The following TYR variants were observed in gnomAD, a reference collection of about 807,000 sequenced individuals.
The protein encoded by TYR is tyrosinase.
TYR carries 58 observed loss-of-function variants against 51.5 expected under a neutral mutation model. That is an observed-to-expected ratio of 1.13 (90% confidence interval 0.91 to 1.40). The LOEUF (loss-of-function observed/expected upper bound fraction) is 1.40. Ranked by LOEUF, TYR falls within the 40% of genes most tolerant of loss-of-function variation. The probability of loss-of-function intolerance (pLI) is 0.00; values close to 1 mark genes in which losing one functional copy is unlikely to be tolerated. For synonymous variants in TYR, 263 were observed against 235.2 expected (o/e 1.12, Z -1.08); for missense variants, 732 against 647.4 (o/e 1.13, Z -1.42).
At position 89,253,255 on chromosome 11, in the gene TYR, A is replaced by G. The variant is rs189590924; in HGVS notation, c.1184+25285A>G. On this transcript the variant is annotated intron_variant, in intron 3 of 4. Transcript: ENST00000263321. Reference sequence around the variant, plus strand: ...GCATACAGGTGACAAGAATTTGCCAACTACAAATGTTAACTGCTTGAAGAG... The same window carrying G: ...GCATACAGGTGACAAGAATTTGCCAGCTACAAATGTTAACTGCTTGAAGAG... 1.3e-3 allele frequency among the ~76,000 whole-genome samples: 190 copies of G among 151,848 alleles called. 1 individual carries two copies. Among genetic ancestry groups the G allele is most frequent in the African/African-American group, 4.3e-3 (180 of 41,512 alleles).
At chr11:89,228,075 G>A in intron 3 of TYR, 105 bp downstream of exon 3, 1 of 1,419,650 alleles carries the variant, frequency 7.0e-7, no homozygotes, top group East Asian at 2.3e-5. Flanking sequence ...AGTTATGGTA[G>A]TCTATTGTCT....
chr11:89,199,420 C>A (rs1003459266), intron 2 of TYR, among the ~76,000 whole-genome samples: 3 of 152,072 alleles, frequency 2.0e-5, no homozygotes, highest in Admixed American at 1.3e-4. Context: ...CATCTTCACT[C>A]TGAATTAAAA....
intron 4 of TYR, among the ~76,000 whole-genome samples, chr11:89,291,607 C>A (rs1944853973): frequency 6.6e-6 from 1 of 151,846 alleles, no homozygotes. Context: ...TTTCCACATA[C>A]ACATAAGTTG....
intron 3 of TYR, among the ~76,000 whole-genome samples, chr11:89,265,258 G>C (rs1944511829): frequency 6.6e-6 from 1 of 151,986 alleles, no homozygotes; most frequent in African/African-American, 2.4e-5. Flanking sequence ...AGTGGGTAGG[G>C]GAAAGCCTTC....
chr11:89,258,840 G>A (rs778742466), intron 3 of TYR, among the ~76,000 whole-genome samples: 2 of 152,008 alleles, frequency 1.3e-5, no homozygotes, highest in Non-Finnish European at 2.9e-5. Context: ...ATGAGGCTCT[G>A]ATAAAACACC....
intron 2 of TYR, among the ~76,000 whole-genome samples, chr11:89,197,778 T>C (rs1311926607): frequency 6.6e-6 from 1 of 152,130 alleles, no homozygotes; most frequent in Admixed American, 6.6e-5. Flanking sequence ...TTCAGGATGA[T>C]TCTGACACAT....
chr11:89,209,411 T>C (rs970563136), intron 2 of TYR, among the ~76,000 whole-genome samples: 1 of 152,156 alleles, frequency 6.6e-6, no homozygotes, highest in African/African-American at 2.4e-5. Context: ...TTGCTGAGGC[T>C]TGAGTAGGCG....
intron 3 of TYR, among the ~76,000 whole-genome samples, chr11:89,252,602 G>A (rs555511676): frequency 6.6e-6 from 1 of 151,858 alleles, no homozygotes; most frequent in Admixed American, 6.6e-5. Flanking sequence ...TTAGAAACCT[G>A]GTGCTTGCAC....
At chr11:89,248,121 T>C (rs561969183) in intron 3 of TYR, among the ~76,000 whole-genome samples, 1 of 152,216 alleles carries the variant, frequency 6.6e-6, no homozygotes, top group Non-Finnish European at 1.5e-5. Context: ...AAAATGGTGC[T>C]AATATTTGTA....
chr11:89,247,934 T>C (rs1298440311), intron 3 of TYR, among the ~76,000 whole-genome samples: 1 of 152,142 alleles, frequency 6.6e-6, no homozygotes, highest in Non-Finnish European at 1.5e-5. Flanking sequence ...TGAACAGAGC[T>C]CTAAAGTAAA....
chr11:89,224,759 G>C (rs1450532068), intron 2 of TYR, among the ~76,000 whole-genome samples: 1 of 152,112 alleles, frequency 6.6e-6, no homozygotes, highest in Non-Finnish European at 1.5e-5. Flanking sequence ...TTAACAAGTG[G>C]GGAATCCGAA....
intron 3 of TYR, among the ~76,000 whole-genome samples, chr11:89,235,518 A>G (rs1320388551): frequency 6.6e-6 from 1 of 152,206 alleles, no homozygotes; most frequent in Non-Finnish European, 1.5e-5. Context: ...GTCATCTATC[A>G]TAATATAGAC....
At chr11:89,271,145 TAAC>T (rs1227883444) in intron 3 of TYR, among the ~76,000 whole-genome samples, 1 of 151,824 alleles carries the variant, frequency 6.6e-6, no homozygotes, top group Non-Finnish European at 1.5e-5. Context: ...ACAATAATAA[TAAC>T]ATCTATACTT....
At chr11:89,286,382 A>G (rs577672327) in intron 4 of TYR, among the ~76,000 whole-genome samples, 1 of 151,992 alleles carries the variant, frequency 6.6e-6, no homozygotes, top group South Asian at 2.1e-4. Flanking sequence ...ATAATAGTTC[A>G]CACATACTAA....
At chr11:89,274,079 A>G (rs560293027) in intron 3 of TYR, among the ~76,000 whole-genome samples, 57 of 152,056 alleles carry the variant, frequency 3.7e-4, no homozygotes, top group African/African-American at 1.4e-3. Context: ...ATAATATGTT[A>G]TAATCCCCAC....
intron 3 of TYR, among the ~76,000 whole-genome samples, chr11:89,241,404 A>G (rs981817579): frequency 2.6e-5 from 4 of 152,130 alleles, no homozygotes; most frequent in East Asian, 1.9e-4. Flanking sequence ...TGCATTGATC[A>G]TATCTAGTTT....
intron 3 of TYR, among the ~76,000 whole-genome samples, chr11:89,267,582 A>G (rs549452279): frequency 1.3e-5 from 2 of 152,050 alleles, no homozygotes; most frequent in African/African-American, 4.8e-5. Context: ...TATTCTCCTC[A>G]TTCCCAGGGG....
chr11:89,271,085 G>A (rs1171200797), intron 3 of TYR, among the ~76,000 whole-genome samples: 1 of 151,762 alleles, frequency 6.6e-6, no homozygotes, highest in East Asian at 1.9e-4. Flanking sequence ...AAAGTTTAAA[G>A]AACCCCTATG....
chr11:89,258,785 T>C (rs1478672084), intron 3 of TYR, among the ~76,000 whole-genome samples: 1 of 152,092 alleles, frequency 6.6e-6, no homozygotes, highest in African/African-American at 2.4e-5. Context: ...GGCTGACCTA[T>C]CTATTCCCAC....
Sources: allele counts gnomAD v4.1 joint callset (sites outside exome capture counted in the v4.1 genomes callset), GRCh38; gene constraint gnomAD v4.1.1; transcripts MANE v1.5; gene names NCBI Gene and HGNC (gene_info 2026-07-23, HGNC 2026-07-21).